Variants in CCDC192 observed in about 807,000 individuals in gnomAD.
The protein encoded by CCDC192 is coiled-coil domain containing 192, also known as coiled-coil domain-containing protein 192.
At position 127,918,216 on chromosome 5, in the gene CCDC192, T is replaced by TAAAAAAAAAAAAA. The variant is rs1219307107; in HGVS notation, c.536-22959_536-22947dup. ...AGGGTTGCCAGACACCTTCAATTTG[T>TAAAAAAAAAAAAA]AAAAAAAAAAAAAAAAAAAGTAGTA... is the stretch of plus-strand genomic sequence containing the variant. On this transcript the variant is annotated intron_variant, in intron 6 of 6. Transcript: ENST00000514853. Among the ~76,000 whole-genome samples, 22 of 100,394 alleles carry TAAAAAAAAAAAAA rather than the reference T, an allele frequency of 2.2e-4. 1 individual carries two copies. Among genetic ancestry groups the TAAAAAAAAAAAAA allele is most frequent in the African/African-American group, 9.5e-4 (21 of 22,158 alleles). 65.9% of individuals were successfully genotyped at this position (100,394 alleles called of 152,430 possible). A position where few individuals can be genotyped will look rare whatever the true frequency, so the allele number is the denominator to read the frequency against.
chr5:127,847,306 A>G (rs768617776), intron 5 of CCDC192, among the ~76,000 whole-genome samples: 10 of 152,162 alleles, frequency 6.6e-5, no homozygotes, highest in African/African-American at 4.8e-5. Context: ...TTTTTCCTCC[A>G]TTATTAACTC....
chr5:127,712,081 T>C (rs1751371170), intron 2 of CCDC192, among the ~76,000 whole-genome samples: 1 of 152,172 alleles, frequency 6.6e-6, no homozygotes, highest in Non-Finnish European at 1.5e-5. Flanking sequence ...CTTGAGATTT[T>C]TATAAACGGA....
chr5:127,757,056 C>T (rs1198070869), intron 3 of CCDC192, among the ~76,000 whole-genome samples: 1 of 152,132 alleles, frequency 6.6e-6, no homozygotes, highest in Admixed American at 6.5e-5. Flanking sequence ...TTTCACTTAA[C>T]TTTTTTGTAC....
chr5:127,753,892 A>G (rs1754406147), intron 2 of CCDC192, among the ~76,000 whole-genome samples: 2 of 152,158 alleles, frequency 1.3e-5, no homozygotes, highest in Non-Finnish European at 2.9e-5. Context: ...CTACTGTTAG[A>G]TGACTGTTAA....
intron 5 of CCDC192, among the ~76,000 whole-genome samples, chr5:127,874,573 A>T (rs1021000101): frequency 6.6e-6 from 1 of 152,218 alleles, no homozygotes; most frequent in Non-Finnish European, 1.5e-5. Flanking sequence ...GTGCCTTCAG[A>T]GGCCAGGGAA....
chr5:127,724,325 A>T (rs1051585282), intron 2 of CCDC192, among the ~76,000 whole-genome samples: 1 of 152,194 alleles, frequency 6.6e-6, no homozygotes, highest in African/African-American at 2.4e-5. Flanking sequence ...TCTTCCTTAC[A>T]ATAGAAACAT....
At chr5:127,792,727 AAGG>A (rs886106735) in intron 3 of CCDC192, among the ~76,000 whole-genome samples, 2 of 151,366 alleles carry the variant, frequency 1.3e-5, no homozygotes, top group Non-Finnish European at 2.9e-5. Context: ...AGAAGCAGAA[AAGG>A]AGGAGAAGGA....
intron 3 of CCDC192, among the ~76,000 whole-genome samples, chr5:127,756,231 C>T (rs1441248399): frequency 2.0e-5 from 3 of 152,138 alleles, no homozygotes; most frequent in Non-Finnish European, 4.4e-5. Flanking sequence ...ACCTTGCCCG[C>T]TGCCTAGACA....
intron 2 of CCDC192, among the ~76,000 whole-genome samples, chr5:127,716,247 T>A (rs2126788322): frequency 6.6e-6 from 1 of 152,324 alleles, no homozygotes; most frequent in African/African-American, 2.4e-5. Flanking sequence ...TCCCACTTAA[T>A]CATGATGAAT....
chr5:127,706,763 G>C (rs886224498), intron 1 of CCDC192, among the ~76,000 whole-genome samples: 3 of 152,092 alleles, frequency 2.0e-5, no homozygotes, highest in African/African-American at 7.2e-5. Flanking sequence ...TAATCAATAA[G>C]CAAACTATAT....
intron 5 of CCDC192, among the ~76,000 whole-genome samples, chr5:127,810,139 AAC>A (rs753194403): frequency 6.6e-6 from 1 of 152,190 alleles, no homozygotes; most frequent in African/African-American, 2.4e-5. Flanking sequence ...TAGCTTTTGT[AAC>A]ACATAGATCC....
chr5:127,905,126 A>G (rs1019540107), intron 6 of CCDC192, among the ~76,000 whole-genome samples: 11 of 152,082 alleles, frequency 7.2e-5, no homozygotes, highest in African/African-American at 2.2e-4. Flanking sequence ...TAAAAAATAA[A>G]TTTTTATGTC....
At chr5:127,769,092 T>C (rs1755400668) in intron 3 of CCDC192, among the ~76,000 whole-genome samples, 1 of 152,234 alleles carries the variant, frequency 6.6e-6, no homozygotes, top group Non-Finnish European at 1.5e-5. Flanking sequence ...TCTGCAATAT[T>C]AATTACCGCA....
At chr5:127,877,572 G>C (rs1191723682) in intron 6 of CCDC192, among the ~76,000 whole-genome samples, 45 of 152,220 alleles carry the variant, frequency 3.0e-4, no homozygotes, top group Non-Finnish European at 5.9e-5. Context: ...GCACATTCTT[G>C]CTCTTCCACA....
chr5:127,894,791 C>A (rs1186544218), intron 6 of CCDC192, among the ~76,000 whole-genome samples: 1 of 152,198 alleles, frequency 6.6e-6, no homozygotes, highest in Non-Finnish European at 1.5e-5. Context: ...GTTAATGAGG[C>A]CACAAATTCG....
chr5:127,786,005 G>T, intron 3 of CCDC192: 1 of 586,040 alleles, frequency 1.7e-6, no homozygotes, highest in Admixed American at 2.6e-5. Context: ...ATAGCTAAAA[G>T]ACCCTGATTA....
intron 6 of CCDC192, among the ~76,000 whole-genome samples, chr5:127,924,576 A>G (rs1289832348): frequency 6.6e-6 from 1 of 152,180 alleles, no homozygotes. Context: ...TTAGCATATG[A>G]CCCCCAAGGG....
intron 2 of CCDC192, among the ~76,000 whole-genome samples, chr5:127,724,656 C>G (rs1180239467): frequency 7.2e-5 from 11 of 152,066 alleles, no homozygotes; most frequent in Non-Finnish European, 1.0e-4. Flanking sequence ...CAAGATCATC[C>G]TGGCCAACAT....
chr5:127,756,208 A>G (rs1754582735), intron 3 of CCDC192, among the ~76,000 whole-genome samples: 1 of 152,108 alleles, frequency 6.6e-6, no homozygotes, highest in African/African-American at 2.4e-5. Context: ...GTAACCACCC[A>G]ATCAATGGGT....
Sources: gnomAD v4.1 joint callset for allele counts (sites outside exome capture counted in the v4.1 genomes callset) on GRCh38, gnomAD v4.1.1 for gene constraint, MANE v1.5 for transcripts, NCBI Gene and HGNC (gene_info 2026-07-23, HGNC 2026-07-21) for gene names.